The following SUMF1 variants were observed in gnomAD, a reference collection of about 807,000 sequenced individuals.
The protein encoded by SUMF1 is sulfatase modifying factor 1.
A neutral mutation model predicts 47.6 loss-of-function variants in SUMF1; 48 were observed. That is an observed-to-expected ratio of 1.01 (90% CI 0.80 to 1.28). SUMF1 has a LOEUF of 1.28. SUMF1 is among the 50% of genes most tolerant of loss of function. SUMF1 has a pLI of 0.00. For synonymous variants in SUMF1, 230 were observed against 192.1 expected, an observed-to-expected ratio of 1.20 and a Z score of -1.63; for missense variants, 571 against 485.4, an observed-to-expected ratio of 1.18 and a Z score of -1.66.
intron 8 of SUMF1, among the ~76,000 whole-genome samples, chr3:4,254,890 A>G (rs1427522741): frequency 2.6e-5 from 4 of 152,216 alleles, no homozygotes; most frequent in Non-Finnish European, 4.4e-5. Context: ...CTCAAAGGGA[A>G]GCCCATCAGA....
chr3:4,037,320 T>G (rs537845177), intron 9 of SUMF1, among the ~76,000 whole-genome samples: 1 of 152,224 alleles, frequency 6.6e-6, no homozygotes, highest in Non-Finnish European at 1.5e-5. Context: ...TCAACTTCTA[T>G]AGTAAGTTCT....
intron 8 of SUMF1, among the ~76,000 whole-genome samples, chr3:4,215,399 A>G (rs1308831396): frequency 3.3e-5 from 5 of 152,204 alleles, no homozygotes; most frequent in Non-Finnish European, 2.9e-5. Flanking sequence ...GCATCGCAAA[A>G]TAATAAGAGC....
chr3:4,354,004 G>C (rs1699565355), intron 8 of SUMF1, among the ~76,000 whole-genome samples: 1 of 152,062 alleles, frequency 6.6e-6, no homozygotes, highest in Non-Finnish European at 1.5e-5. Context: ...ATAGGACTAT[G>C]CTACCATGCC....
chr3:4,402,417 C>T (rs1433089061), intron 7 of SUMF1, among the ~76,000 whole-genome samples: 3 of 152,170 alleles, frequency 2.0e-5, no homozygotes, highest in Non-Finnish European at 4.4e-5. Flanking sequence ...CATAGTGCAT[C>T]TTGATTCATC....
chr3:4,458,203 T>C (rs532422370), intron 1 of SUMF1, among the ~76,000 whole-genome samples: 89 of 152,286 alleles, frequency 5.8e-4, no homozygotes, highest in Non-Finnish European at 9.8e-4. Flanking sequence ...CCTGTTAGAA[T>C]AGCTATCATC....
chr3:4,313,356 A>C (rs1270830797), intron 8 of SUMF1: 1 of 1,613,986 alleles, frequency 6.2e-7, no homozygotes, highest in South Asian at 1.1e-5. Context: ...ATGGGCAGGT[A>C]ATGGAAACAT....
chr3:4,160,076 T>C (rs1694540810), intron 8 of SUMF1, among the ~76,000 whole-genome samples: 1 of 152,140 alleles, frequency 6.6e-6, no homozygotes, highest in Non-Finnish European at 1.5e-5. Context: ...TTAACCTTCT[T>C]ATAGTTAAAT....
intron 8 of SUMF1, among the ~76,000 whole-genome samples, chr3:4,204,870 A>G (rs745976542): frequency 1.3e-5 from 2 of 152,072 alleles, no homozygotes; most frequent in Non-Finnish European, 2.9e-5. Flanking sequence ...TTTATCTTAT[A>G]AAATTCAGAA....
intron 8 of SUMF1, among the ~76,000 whole-genome samples, chr3:4,151,115 C>G (rs562124065): frequency 1.3e-4 from 19 of 151,298 alleles, no homozygotes; most frequent in Non-Finnish European, 2.4e-4. Flanking sequence ...GTAGCACAGT[C>G]TGTCAGTCTA....
intron 8 of SUMF1, among the ~76,000 whole-genome samples, chr3:4,244,103 C>G (rs1696606045): frequency 6.6e-6 from 1 of 152,040 alleles, no homozygotes; most frequent in South Asian, 2.1e-4. Context: ...TTTTTCCTTT[C>G]CATTTGCTTG....
Position 4,362,258 on chromosome 3 carries a change from T to C in SUMF1, c.1015-4A>G, listed in dbSNP as rs1699789348. The stretch of plus-strand genomic sequence containing the variant: ...AGCGATACCTGTAACAATAAGACTG[T>C]GTAGAGAGAAAGAGCAAGGTAAGTG... On this transcript the variant is annotated splice_region_variant and splice_polypyrimidine_tract_variant and intron_variant, in intron 8 of 8. Coordinates refer to ENST00000272902, the MANE Select transcript of SUMF1 (RefSeq NM_182760.4). 2 of 1,613,488 alleles carry C rather than the reference T, an allele frequency of 1.2e-6. No individual in the cohort carries two copies. The highest frequency in any genetic ancestry group is 1.7e-6 in the Non-Finnish European group (2 of 1,179,484).
rs532531760 is a variant in SUMF1, at chr3:4,076,799, A to G, written c.1015-8054T>C. On this transcript the variant is annotated intron_variant and NMD_transcript_variant, in intron 8 of 12. Transcript: ENST00000448413. ...CGGATCAGGAGGTCAGGAGATCCAG[A>G]CCATCCTGGCTAACATGGTGAAACC... Among the ~76,000 whole-genome samples, 3 of 152,220 alleles carry G rather than the reference A, an allele frequency of 2.0e-5. No individual in the cohort carries two copies. In the East Asian group the frequency reaches 5.8e-4, roughly 29 times the overall value.
intron 3 of SUMF1, among the ~76,000 whole-genome samples, chr3:4,448,829 G>A (rs711635): frequency 0.36 from 55,398 of 152,068 alleles, 10,218 homozygotes; most frequent in Non-Finnish European, 0.39. Context: ...CCTTTCTTGA[G>A]TGCTACTCTG....
intron 8 of SUMF1, among the ~76,000 whole-genome samples, chr3:4,224,108 T>C (rs1300657757): frequency 3.9e-5 from 6 of 152,030 alleles, no homozygotes; most frequent in Non-Finnish European, 8.8e-5. Flanking sequence ...AGGGGAACAG[T>C]GCAAGGACCT....
intron 8 of SUMF1, among the ~76,000 whole-genome samples, chr3:4,349,390 T>C (rs1045006134): frequency 2.0e-5 from 3 of 152,214 alleles, no homozygotes; most frequent in South Asian, 2.1e-4. Flanking sequence ...TTGGTGGGAA[T>C]GTAAATTAGT....
At chr3:4,174,986 C>T (rs1001592840) in intron 8 of SUMF1, among the ~76,000 whole-genome samples, 12 of 152,162 alleles carry the variant, frequency 7.9e-5, no homozygotes, top group Non-Finnish European at 1.5e-4. Flanking sequence ...GGGGGAGGGG[C>T]GTCTGCCATT....
chr3:4,156,746 C>T (rs571518184), intron 8 of SUMF1, among the ~76,000 whole-genome samples: 1 of 151,864 alleles, frequency 6.6e-6, no homozygotes, highest in South Asian at 2.1e-4. Flanking sequence ...GCATTTATTT[C>T]ATTTAATCTA....
intron 8 of SUMF1, among the ~76,000 whole-genome samples, chr3:4,372,428 T>G (rs1008072960): frequency 1.3e-5 from 2 of 152,260 alleles, no homozygotes; most frequent in African/African-American, 2.4e-5. Context: ...ATTGATTTTT[T>G]TCCTTTTATT....
At chr3:4,151,046 A>G (rs1017809382) in intron 8 of SUMF1, among the ~76,000 whole-genome samples, 2 of 151,398 alleles carry the variant, frequency 1.3e-5, no homozygotes, top group Non-Finnish European at 2.9e-5. Context: ...ACACTTCAAC[A>G]GAGGATTAAC....
Sources: gnomAD v4.1 joint callset for allele counts (sites outside exome capture counted in the v4.1 genomes callset) on GRCh38, gnomAD v4.1.1 for gene constraint, MANE v1.5 for transcripts, NCBI Gene and HGNC (gene_info 2026-07-23, HGNC 2026-07-21) for gene names.